Variants in KHDRBS3 observed in about 807,000 individuals in gnomAD.
KHDRBS3 encodes KH domain-containing, RNA-binding, signal transduction-associated protein 3.
Under a neutral mutation model 45.6 loss-of-function variants are expected in KHDRBS3, and 23 were observed. That is an observed-to-expected ratio of 0.50 (90% confidence interval 0.36 to 0.72). KHDRBS3 has a LOEUF of 0.72. Among genes scored for constraint, KHDRBS3 ranks in the 30% least tolerant of loss-of-function variants. KHDRBS3 has a pLI of 0.00. For synonymous variants in KHDRBS3, 162 were observed against 156.5 expected (o/e 1.04, Z -0.26); for missense variants, 352 against 424.8 (o/e 0.83, Z 1.51).
At chr8:135,620,743 A>G (rs1363704896) in intron 7 of KHDRBS3, among the ~76,000 whole-genome samples, 2 of 152,074 alleles carry the variant, frequency 1.3e-5, no homozygotes, top group Admixed American at 1.3e-4. Context: ...CCATCCAACA[A>G]CCCTCGGTGA....
At chr8:135,504,064 G>A (rs1318103635) in intron 1 of KHDRBS3, among the ~76,000 whole-genome samples, 2 of 152,278 alleles carry the variant, frequency 1.3e-5, no homozygotes, top group East Asian at 1.9e-4. Flanking sequence ...CAAGGGGACC[G>A]AGAGCCTTCT....
intron 4 of KHDRBS3, among the ~76,000 whole-genome samples, chr8:135,655,905 C>T (rs1196061651): frequency 1.3e-5 from 2 of 152,244 alleles, no homozygotes; most frequent in South Asian, 2.1e-4. Context: ...CCAGGGTGGA[C>T]CCCTAGGAAC....
At chr8:135,470,969 A>G (rs1821987481) in intron 1 of KHDRBS3, among the ~76,000 whole-genome samples, 1 of 152,190 alleles carries the variant, frequency 6.6e-6, no homozygotes, top group African/African-American at 2.4e-5. Flanking sequence ...CTTCATCTGT[A>G]AAATGGTCAT....
intron 6 of KHDRBS3, among the ~76,000 whole-genome samples, chr8:135,583,444 CAGG>C (rs1828312065): frequency 1.3e-5 from 2 of 152,148 alleles, no homozygotes; most frequent in Non-Finnish European, 2.9e-5. Flanking sequence ...CTGAAAGTAT[CAGG>C]GACTCTAAAG....
intron 4 of KHDRBS3, among the ~76,000 whole-genome samples, chr8:135,655,267 C>T (rs72734032): frequency 0.043 from 6,543 of 152,254 alleles, 155 homozygotes; most frequent in Non-Finnish European, 0.05. Context: ...AGACGCCCAC[C>T]GTGTCCCTGG....
chr8:135,536,998 G>A (rs73712059), intron 2 of KHDRBS3, among the ~76,000 whole-genome samples: 1,271 of 26,716 alleles, frequency 0.048, 174 homozygotes, highest in African/African-American at 0.13. Context: ...AAAAAAAAAA[G>A]GAGATGTTTA....
intron 5 of KHDRBS3, 89 bp from the exon 6 acceptor site, chr8:135,581,789 T>G: frequency 9.7e-7 from 1 of 1,030,518 alleles, no homozygotes; most frequent in South Asian, 2.8e-5. Context: ...TATAGAACAT[T>G]GATTTTGTTT....
At chr8:135,649,343 C>G (rs1831382772), downstream of KHDRBS3, among the ~76,000 whole-genome samples, 1 of 152,108 alleles carries the variant, frequency 6.6e-6, no homozygotes, top group Non-Finnish European at 1.5e-5. Context: ...TGATGCTTAT[C>G]CCATGCAGTT....
intron 2 of KHDRBS3, chr8:135,538,661 A>C (rs1307868045): frequency 6.6e-6 from 1 of 152,196 alleles, no homozygotes; most frequent in African/African-American, 2.4e-5. Flanking sequence ...GAAACTGAAA[A>C]CTAGAAATGC....
chr8:135,522,280 C>G (rs1824952821), intron 2 of KHDRBS3, among the ~76,000 whole-genome samples: 1 of 152,212 alleles, frequency 6.6e-6, no homozygotes, highest in East Asian at 1.9e-4. Flanking sequence ...GACATGATCT[C>G]ATTCCTCTTT....
chr8:135,629,752 TC>T (rs1830517366), intron 7 of KHDRBS3, among the ~76,000 whole-genome samples: 1 of 152,226 alleles, frequency 6.6e-6, no homozygotes, highest in African/African-American at 2.4e-5. Flanking sequence ...AAGTTATTGA[TC>T]GGGACATCTA....
chr8:135,634,909 C>T (rs1830746661), intron 7 of KHDRBS3, among the ~76,000 whole-genome samples: 1 of 152,170 alleles, frequency 6.6e-6, no homozygotes, highest in African/African-American at 2.4e-5. Flanking sequence ...CTGCCGGCCT[C>T]CTGAAATTTG....
chr8:135,618,781 T>C (rs1440560281), intron 7 of KHDRBS3, among the ~76,000 whole-genome samples: 1 of 152,214 alleles, frequency 6.6e-6, no homozygotes, highest in South Asian at 2.1e-4. Context: ...ATGTGATCTT[T>C]CACTAACCCT....
downstream of KHDRBS3, among the ~76,000 whole-genome samples, chr8:135,652,199 A>G (rs758229695): frequency 4.6e-5 from 7 of 152,136 alleles, no homozygotes; most frequent in African/African-American, 1.2e-4. Flanking sequence ...TTCTGTTTCT[A>G]TTTCTGATTG....
chr8:135,639,873 C>T (rs1168527600), intron 7 of KHDRBS3, among the ~76,000 whole-genome samples: 1 of 152,184 alleles, frequency 6.6e-6, no homozygotes, highest in Non-Finnish European at 1.5e-5. Flanking sequence ...CAGTCACCTC[C>T]CACCAGGCCC....
chr8:135,580,778 A>G (rs1364780458), intron 5 of KHDRBS3, among the ~76,000 whole-genome samples: 1 of 151,790 alleles, frequency 6.6e-6, no homozygotes, highest in African/African-American at 2.4e-5. Flanking sequence ...GTGCCCAGCT[A>G]ATTTTTGTAT....
chr8:135,602,796 A>G (rs1829277519), intron 6 of KHDRBS3, among the ~76,000 whole-genome samples: 1 of 152,220 alleles, frequency 6.6e-6, no homozygotes, highest in South Asian at 2.1e-4. Flanking sequence ...GAGATATTTC[A>G]TAAACACAAC....
At chr8:135,582,168 G>A (rs575130793) in intron 6 of KHDRBS3, 95 bp downstream of exon 6, 4 of 1,239,290 alleles carry the variant, frequency 3.2e-6, no homozygotes, top group Non-Finnish European at 4.2e-6. Flanking sequence ...TCCTCACCTT[G>A]TTTTGGTTCT....
At chr8:135,654,145 G>A (rs1203477575) in intron 4 of KHDRBS3, among the ~76,000 whole-genome samples, 1 of 152,030 alleles carries the variant, frequency 6.6e-6, no homozygotes, top group Non-Finnish European at 1.5e-5. Context: ...TTTGAAGTAT[G>A]TCTTAGAGCT....
Sources: allele counts gnomAD v4.1 joint callset (sites outside exome capture counted in the v4.1 genomes callset), GRCh38; gene constraint gnomAD v4.1.1; transcripts MANE v1.5; gene names NCBI Gene and HGNC (gene_info 2026-07-23, HGNC 2026-07-21).